Variants in WDPCP observed in about 807,000 individuals in gnomAD.
WDPCP encodes WD repeat-containing and planar cell polarity effector protein fritz homolog.
In WDPCP, 71 loss-of-function variants were observed where a neutral mutation model predicts 93.1. The observed-to-expected ratio is 0.76, with a 90% CI of 0.63 to 0.93. The LOEUF is 0.93. Among genes scored for constraint, WDPCP ranks in the 40% least tolerant of loss-of-function variants. The probability of loss-of-function intolerance (pLI) is 0.00; values close to 1 mark genes in which losing one functional copy is unlikely to be tolerated. For synonymous variants in WDPCP, 315 were observed against 315.0 expected (o/e 1.00, Z 0.00); for missense variants, 844 against 887.4 (o/e 0.95, Z 0.62).
chr2:63,413,844 A>T (rs751387073), intron 9 of WDPCP, among the ~76,000 whole-genome samples: 1 of 152,132 alleles, frequency 6.6e-6, no homozygotes, highest in Non-Finnish European at 1.5e-5. Context: ...ACTTAATTAA[A>T]CTAAAGAGCT....
At chr2:63,693,067 T>G (rs1668911909) in intron 2 of WDPCP, among the ~76,000 whole-genome samples, 1 of 152,174 alleles carries the variant, frequency 6.6e-6, no homozygotes, top group African/African-American at 2.4e-5. Flanking sequence ...AATAACTAGT[T>G]CAAAGTCAGA....
intron 10 of WDPCP, among the ~76,000 whole-genome samples, chr2:63,392,122 C>T (rs1312786138): frequency 1.3e-5 from 2 of 152,192 alleles, no homozygotes; most frequent in African/African-American, 4.8e-5. Flanking sequence ...ATCACACTAC[C>T]TGACTTCAAA....
At chr2:63,414,235 T>C (rs1220941786) in intron 9 of WDPCP, among the ~76,000 whole-genome samples, 1 of 152,104 alleles carries the variant, frequency 6.6e-6, no homozygotes, top group East Asian at 1.9e-4. Flanking sequence ...GTTGGGAACG[T>C]AAACTAGTAC....
intron 2 of WDPCP, among the ~76,000 whole-genome samples, chr2:63,675,395 TG>T: frequency 6.6e-6 from 1 of 152,188 alleles, no homozygotes; most frequent in Non-Finnish European, 1.5e-5. Context: ...TAAGTCCAGG[TG>T]GGTGGCATGT....
At chr2:63,125,622 T>G (rs985819596) in intron 17 of WDPCP, among the ~76,000 whole-genome samples, 14 of 152,154 alleles carry the variant, frequency 9.2e-5, no homozygotes, top group African/African-American at 3.4e-4. Context: ...TTTTGTTTTT[T>G]AATAAGACGG....
Position 63,469,268 on chromosome 2 carries a change from C to A in WDPCP, c.384+15336G>T, listed in dbSNP as rs116455856. ...TGGTGGGGGTGTAAATTAGTTCAACCACTTGGGGGAAAGCAGTGTGGAGAT... is the reference window on the plus strand; with the variant it reads ...TGGTGGGGGTGTAAATTAGTTCAACAACTTGGGGGAAAGCAGTGTGGAGAT... On this transcript the variant is annotated intron_variant, in intron 6 of 17. Transcript: ENST00000272321. Among the ~76,000 whole-genome samples the A allele has an allele frequency of 3.5e-3, 530 of 152,296 alleles. 3 individuals are homozygous for A. Among genetic ancestry groups the A allele is most frequent in the African/African-American group, 0.012 (495 of 41,566 alleles).
chr2:63,407,238 G>A (rs1055935036), intron 9 of WDPCP, among the ~76,000 whole-genome samples: 2 of 151,972 alleles, frequency 1.3e-5, no homozygotes, highest in Non-Finnish European at 2.9e-5. Context: ...TTCAAGCAGA[G>A]GAAACAAGCC....
chr2:63,766,975 T>C (rs2103933300), intron 2 of WDPCP, among the ~76,000 whole-genome samples: 1 of 152,260 alleles, frequency 6.6e-6, no homozygotes, highest in South Asian at 2.1e-4. Context: ...AAGTTCATCT[T>C]GTCCTTTTTT....
At chr2:63,594,945 GA>G (rs1709276477) in intron 3 of WDPCP, 2 of 254,404 alleles carry the variant, frequency 7.9e-6, no homozygotes, top group South Asian at 9.8e-5. Context: ...AAAGAGTAAG[GA>G]AATCTGCTTC....
At chr2:63,492,431 A>G (rs1032738629) in intron 2 of WDPCP, among the ~76,000 whole-genome samples, 6 of 152,030 alleles carry the variant, frequency 3.9e-5, no homozygotes, top group African/African-American at 1.4e-4. Flanking sequence ...TTATGAATAT[A>G]AATCTTATTA....
At chr2:63,789,019 C>A (rs1670507776) in intron 2 of WDPCP, among the ~76,000 whole-genome samples, 1 of 152,122 alleles carries the variant, frequency 6.6e-6, no homozygotes, top group South Asian at 2.1e-4. Context: ...GTAGCTGGAA[C>A]TACAGGTAAA....
intron 2 of WDPCP, among the ~76,000 whole-genome samples, chr2:63,702,831 A>T (rs1575751824): frequency 6.6e-6 from 1 of 151,390 alleles, no homozygotes; most frequent in Admixed American, 6.6e-5. Context: ...TTAACTCGTC[A>T]TTTAGCATTG....
chr2:63,437,762 T>C, intron 7 of WDPCP: 2 of 1,281,294 alleles, frequency 1.6e-6, no homozygotes, highest in Non-Finnish European at 2.1e-6. Flanking sequence ...TTTTTTTTCC[T>C]GTGACTATTT....
At chr2:63,247,522 TGGTTCAATGTAGACA>T (rs1256712225) in intron 14 of WDPCP, among the ~76,000 whole-genome samples, 1 of 152,154 alleles carries the variant, frequency 6.6e-6, no homozygotes, top group Non-Finnish European at 1.5e-5. Context: ...TACATTCCAT[TGGTTCAATGTAGACA>T]GCTTTGTTGC....
intron 6 of WDPCP, among the ~76,000 whole-genome samples, chr2:63,444,160 C>T (rs529893536): frequency 2.0e-5 from 3 of 152,242 alleles, no homozygotes; most frequent in African/African-American, 7.2e-5. Context: ...CTGGGACATT[C>T]TGACCCAAAA....
chr2:63,800,998 G>A (rs1455345337), intron 2 of WDPCP, among the ~76,000 whole-genome samples: 2 of 152,230 alleles, frequency 1.3e-5, no homozygotes, highest in East Asian at 1.9e-4. Context: ...AGGATGCAGA[G>A]AGCCGGGATT....
intron 3 of WDPCP, among the ~76,000 whole-genome samples, chr2:63,596,873 C>T (rs989800336): frequency 2.0e-5 from 3 of 152,090 alleles, no homozygotes; most frequent in Non-Finnish European, 2.9e-5. Context: ...TTGATGGTGG[C>T]GAGTTAATCT....
chr2:63,620,987 A>G (rs913642964), intron 3 of WDPCP, among the ~76,000 whole-genome samples: 1 of 152,218 alleles, frequency 6.6e-6, no homozygotes, highest in African/African-American at 2.4e-5. Context: ...AACAAAAAGG[A>G]CACCCACACC....
intron 2 of WDPCP, among the ~76,000 whole-genome samples, chr2:63,710,419 G>A (rs1473326524): frequency 6.6e-6 from 1 of 152,088 alleles, no homozygotes; most frequent in Non-Finnish European, 1.5e-5. Context: ...GCCCCTCATT[G>A]TTGCAAATTC....
Sources: allele counts gnomAD v4.1 joint callset (sites outside exome capture counted in the v4.1 genomes callset), GRCh38; gene constraint gnomAD v4.1.1; transcripts MANE v1.5; gene names NCBI Gene and HGNC (gene_info 2026-07-23, HGNC 2026-07-21).